LRRTM4: variants seen among roughly 807,000 people sequenced by gnomAD.
LRRTM4 encodes the protein leucine-rich repeat transmembrane neuronal protein 4.
LRRTM4 carries 25 observed loss-of-function variants against 47.6 expected under a neutral mutation model. That is an observed-to-expected ratio of 0.53 (90% CI 0.38 to 0.73). The LOEUF (loss-of-function observed/expected upper bound fraction) is 0.73. LRRTM4 is among the 30% of genes least tolerant of loss of function. The pLI is 0.00. For missense variants in LRRTM4, 638 were observed against 713.4 expected, an observed-to-expected ratio of 0.89 and a Z score of 1.20; for synonymous variants, 311 against 269.5, an observed-to-expected ratio of 1.15 and a Z score of -1.51.
At chr2:77,072,800 C>CAAAAAAAAAA (rs373786120) in intron 3 of LRRTM4, among the ~76,000 whole-genome samples, 8 of 78,736 alleles carry the variant, frequency 1.0e-4, no homozygotes, top group Non-Finnish European at 1.1e-4. Flanking sequence ...CTCCGTCTTC[C>CAAAAAAAAAA]AAAAAAAAAA....
At chr2:77,041,281 TTA>T (rs1679024091) in intron 3 of LRRTM4, among the ~76,000 whole-genome samples, 1 of 151,594 alleles carries the variant, frequency 6.6e-6, no homozygotes, top group South Asian at 2.1e-4. Context: ...AAATAGTATT[TTA>T]TTGTGTATAT....
At chr2:77,164,366 C>T (rs1479593116) in intron 3 of LRRTM4, among the ~76,000 whole-genome samples, 3 of 152,180 alleles carry the variant, frequency 2.0e-5, no homozygotes, top group Admixed American at 1.3e-4. Context: ...TAATGAGAGA[C>T]TTTAACACCC....
At chr2:77,112,050 T>C (rs1671265359) in intron 3 of LRRTM4, among the ~76,000 whole-genome samples, 1 of 152,136 alleles carries the variant, frequency 6.6e-6, no homozygotes, top group Non-Finnish European at 1.5e-5. Flanking sequence ...CCTTTAATCT[T>C]ACATGTGTAA....
rs1679378353 is a variant in LRRTM4, at chr2:77,519,316, A to G, written c.553T>C (p.Phe185Leu). The change falls in exon 3 of 4, where the codon TTT becomes CTT. Residue 185 changes from phenylalanine (F) to leucine (L), a missense_variant. Coordinates refer to ENST00000409884, the MANE Select transcript of LRRTM4 (RefSeq NM_001134745.3). The surrounding 1 kb of genome is among the most constrained non-coding windows in gnomAD (Gnocchi z 4.6). ...AGACGATTGTAACCCAAATCCAAAA[A>G]ATCAAGATTCCGACAGTCTTGAAAA... ...RVFQDCRNLDFLDLGYNRLRS... is the reference protein window; with the variant it reads ...RVFQDCRNLDLLDLGYNRLRS... 1 of 1,613,528 alleles carries G rather than the reference A, an allele frequency of 6.2e-7. No individual in the cohort carries two copies. Among genetic ancestry groups the G allele is most frequent in the African/African-American group, 1.3e-5 (1 of 75,018 alleles).
At chr2:77,192,027 T>C (rs1394934663) in intron 3 of LRRTM4, among the ~76,000 whole-genome samples, 3 of 151,994 alleles carry the variant, frequency 2.0e-5, no homozygotes, top group Admixed American at 1.3e-4. Context: ...CCACCCACAA[T>C]AGATAAACTT....
chr2:77,166,395 G>C (rs980633112), intron 3 of LRRTM4, among the ~76,000 whole-genome samples: 1 of 152,124 alleles, frequency 6.6e-6, no homozygotes. Context: ...GATAATTATA[G>C]ATTCAATGTC....
chr2:76,947,057 T>G (rs1421552029), intron 3 of LRRTM4, among the ~76,000 whole-genome samples: 1 of 151,854 alleles, frequency 6.6e-6, no homozygotes, highest in Non-Finnish European at 1.5e-5. Context: ...AAACTCTCAG[T>G]TCCTGTTCTT....
chr2:76,888,865 G>C (rs1007785131), intron 3 of LRRTM4, among the ~76,000 whole-genome samples: 4 of 151,726 alleles, frequency 2.6e-5, no homozygotes, highest in African/African-American at 7.3e-5. Flanking sequence ...TAAAATATTT[G>C]GTGGCTAGCT....
chr2:76,965,096 T>C (rs1675981163), intron 3 of LRRTM4, among the ~76,000 whole-genome samples: 1 of 151,206 alleles, frequency 6.6e-6, no homozygotes, highest in Admixed American at 6.6e-5. Context: ...ATAGTTTCAT[T>C]GGTGAATTCT....
intron 3 of LRRTM4, among the ~76,000 whole-genome samples, chr2:76,876,160 AAG>A (rs1672773838): frequency 6.6e-6 from 1 of 151,964 alleles, no homozygotes; most frequent in African/African-American, 2.4e-5. Context: ...AGAGAAAAAA[AAG>A]AAGTTTTTTA....
rs530313789 is a variant in LRRTM4, at chr2:77,090,224, G to T, written c.1552-341308C>A. Among the ~76,000 whole-genome samples the T allele has an allele frequency of 1.4e-4, 21 of 152,232 alleles. No homozygotes were observed. In the South Asian group the frequency reaches 2.9e-3, roughly 21 times the overall value. On this transcript the variant is annotated intron_variant, in intron 3 of 3. Coordinates refer to ENST00000409884, the MANE Select transcript of LRRTM4 (RefSeq NM_001134745.3). ...GCAATTTACTCTTAAAAAGGTGGCT[G>T]GTGCTAAAGGCATAGTCAAGGTTAA...
intron 3 of LRRTM4, among the ~76,000 whole-genome samples, chr2:76,831,512 C>T (rs983796558): frequency 3.9e-5 from 6 of 152,046 alleles, no homozygotes; most frequent in African/African-American, 7.2e-5. Context: ...GTTGATTCTC[C>T]GTTTAATTCT....
intron 3 of LRRTM4, among the ~76,000 whole-genome samples, chr2:77,090,106 T>C (rs1291879275): frequency 6.6e-6 from 1 of 152,066 alleles, no homozygotes; most frequent in Non-Finnish European, 1.5e-5. Flanking sequence ...CCGCCTCTGC[T>C]CCTCCACCCT....
Position 76,833,630 on chromosome 2 carries a change from A to G in LRRTM4, c.1552-84714T>C, listed in dbSNP as rs542367711. On this transcript the variant is annotated intron_variant, in intron 3 of 3. Coordinates refer to ENST00000409884, the MANE Select transcript of LRRTM4 (RefSeq NM_001134745.3). ...AATAATATTGTAAGATATGACATTA[A>G]TAAATACATATTTGTAAAATTCTAA... Among the ~76,000 whole-genome samples, 5 of 152,088 alleles carry G rather than the reference A, an allele frequency of 3.3e-5. No homozygotes were observed. The South Asian group carries it at 1.0e-3, about 32-fold the overall frequency.
At chr2:77,134,693 T>C (rs1337155349) in intron 3 of LRRTM4, among the ~76,000 whole-genome samples, 1 of 152,136 alleles carries the variant, frequency 6.6e-6, no homozygotes, top group African/African-American at 2.4e-5. Context: ...GACTTGAAAA[T>C]ATCATGACTA....
intron 3 of LRRTM4, among the ~76,000 whole-genome samples, chr2:77,513,347 G>A (rs1386178915): frequency 6.6e-6 from 1 of 152,056 alleles, no homozygotes; most frequent in Admixed American, 6.6e-5. Flanking sequence ...TGACCATAGA[G>A]ACTTTACAAA....
At chr2:76,898,401 G>A (rs1673496560) in intron 3 of LRRTM4, among the ~76,000 whole-genome samples, 1 of 151,898 alleles carries the variant, frequency 6.6e-6, no homozygotes, top group African/African-American at 2.4e-5. Flanking sequence ...TTTCACACCT[G>A]TAGAAAGGAG....
intron 3 of LRRTM4, among the ~76,000 whole-genome samples, chr2:77,443,633 T>TA: frequency 6.6e-6 from 1 of 152,084 alleles, no homozygotes; most frequent in Non-Finnish European, 1.5e-5. Context: ...ACTGGGGTGA[T>TA]AAAACATAGT....
At chr2:76,890,372 A>G (rs1673214148) in intron 3 of LRRTM4, among the ~76,000 whole-genome samples, 1 of 152,044 alleles carries the variant, frequency 6.6e-6, no homozygotes, top group African/African-American at 2.4e-5. Flanking sequence ...TACCATCTTA[A>G]TAATCTACTC....
Sources: allele counts gnomAD v4.1 joint callset (sites outside exome capture counted in the v4.1 genomes callset), GRCh38; gene constraint gnomAD v4.1.1; non-coding constraint Gnocchi (gnomAD v3.1); transcripts MANE v1.5; gene names NCBI Gene and HGNC (gene_info 2026-07-23, HGNC 2026-07-21).